The following SHISA9 variants were observed in gnomAD, a reference collection of about 807,000 sequenced individuals.
SHISA9 encodes shisa family member 9, also known as protein shisa-9.
In SHISA9, 13 loss-of-function variants were observed where a neutral mutation model predicts 38.0. That is an observed-to-expected ratio of 0.34 (90% CI 0.22 to 0.54). The LOEUF is 0.54. Among genes scored for constraint, SHISA9 ranks in the 20% least tolerant of loss-of-function variants. The probability of loss-of-function intolerance (pLI) is 0.91; values close to 1 mark genes in which losing one functional copy is unlikely to be tolerated. For synonymous variants in SHISA9, 275 were observed against 242.0 expected (o/e 1.14, Z -1.27); for missense variants, 538 against 575.8 (o/e 0.93, Z 0.67).
At chr16:13,384,060 G>T in the SHISA9 span, among the ~76,000 whole-genome samples, 2 of 152,158 alleles carry the variant, frequency 1.3e-5, no homozygotes, top group Non-Finnish European at 2.9e-5. Context: ...AATGGTTAAC[G>T]TTAGGAGAGA....
chr16:12,970,966 A>C (rs1261308190), intron 2 of SHISA9, among the ~76,000 whole-genome samples: 1 of 152,176 alleles, frequency 6.6e-6, no homozygotes. Context: ...GTATTTGTTG[A>C]ATGAATGAAT....
chr16:13,529,235 G>C, the SHISA9 span, among the ~76,000 whole-genome samples: 1 of 152,196 alleles, frequency 6.6e-6, no homozygotes, highest in Admixed American at 6.5e-5. Context: ...ATCCATGCCA[G>C]GCAAAAGTTA....
the SHISA9 span, among the ~76,000 whole-genome samples, chr16:13,310,812 C>A: frequency 1.3e-5 from 2 of 151,498 alleles, no homozygotes; most frequent in Admixed American, 1.3e-4. Flanking sequence ...GCCTCTCAAG[C>A]AGCTGGGACT....
At chr16:13,464,927 C>G in the SHISA9 span, among the ~76,000 whole-genome samples, 2 of 151,874 alleles carry the variant, frequency 1.3e-5, no homozygotes, top group African/African-American at 4.8e-5. Flanking sequence ...AGATAGACAG[C>G]TTTTTCTAAT....
chr16:13,048,575 C>G (rs1287373017), intron 2 of SHISA9, among the ~76,000 whole-genome samples: 1 of 152,170 alleles, frequency 6.6e-6, no homozygotes, highest in Non-Finnish European at 1.5e-5. Flanking sequence ...GTGTGTACCA[C>G]CACACCTGGC....
chr16:13,399,437 G>A, the SHISA9 span, among the ~76,000 whole-genome samples: 7 of 152,042 alleles, frequency 4.6e-5, no homozygotes, highest in African/African-American at 1.7e-4. Flanking sequence ...GTGGTTCTTT[G>A]TTCTACCACA....
chr16:13,288,914 A>G, the SHISA9 span, among the ~76,000 whole-genome samples: 1 of 152,166 alleles, frequency 6.6e-6, no homozygotes, highest in Non-Finnish European at 1.5e-5. Flanking sequence ...CCCCATCTCC[A>G]ATATAGTTAC....
chr16:13,015,853 C>CTTTCTTTGTTT (rs2072737683), intron 2 of SHISA9, among the ~76,000 whole-genome samples: 1 of 98,556 alleles, frequency 1.0e-5, no homozygotes, highest in Non-Finnish European at 2.1e-5. Flanking sequence ...TCTTTCTTTC[C>CTTTCTTTGTTT]CTTTCTTTCT....
At chr16:13,192,749 C>T (rs2050898056) in intron 2 of SHISA9, among the ~76,000 whole-genome samples, 1 of 152,072 alleles carries the variant, frequency 6.6e-6, no homozygotes, top group South Asian at 2.1e-4. Flanking sequence ...GTGGCACGCA[C>T]CTGTGGTCCC....
chr16:13,536,191 G>A, the SHISA9 span, among the ~76,000 whole-genome samples: 7 of 152,028 alleles, frequency 4.6e-5, no homozygotes, highest in East Asian at 1.3e-3. Flanking sequence ...TAGAGATGGG[G>A]TTTCACTATG....
the SHISA9 span, among the ~76,000 whole-genome samples, chr16:13,259,646 G>C: frequency 6.6e-6 from 1 of 152,166 alleles, no homozygotes; most frequent in Non-Finnish European, 1.5e-5. Flanking sequence ...TTTGACTTCT[G>C]TGTATCCACA....
the SHISA9 span, among the ~76,000 whole-genome samples, chr16:13,362,393 A>C: frequency 7.9e-5 from 12 of 152,138 alleles, no homozygotes; most frequent in African/African-American, 2.4e-4. Context: ...GTGCCACTGC[A>C]CTCCAGCCTG....
chr16:12,988,359 C>A (rs1474533524), intron 2 of SHISA9, among the ~76,000 whole-genome samples: 1 of 152,178 alleles, frequency 6.6e-6, no homozygotes, highest in African/African-American at 2.4e-5. Context: ...TTGGATTTTT[C>A]ATCTCTGTCT....
At chr16:13,552,085 G>GT in the SHISA9 span, among the ~76,000 whole-genome samples, 46 of 152,266 alleles carry the variant, frequency 3.0e-4, no homozygotes, top group African/African-American at 1.1e-3. Context: ...TCAGCTTTGT[G>GT]TTTTTTCTGC....
At chr16:13,245,841 C>T in the SHISA9 span, among the ~76,000 whole-genome samples, 1 of 152,168 alleles carries the variant, frequency 6.6e-6, no homozygotes, top group African/African-American at 2.4e-5. Flanking sequence ...ATTTCTTCAC[C>T]CCTCCCAGAG....
At chr16:13,495,231 A>C in the SHISA9 span, among the ~76,000 whole-genome samples, 1 of 152,164 alleles carries the variant, frequency 6.6e-6, no homozygotes, top group South Asian at 2.1e-4. Flanking sequence ...GCATGTAAAA[A>C]TTGGTGAAAA....
chr16:13,467,454 G>A, the SHISA9 span, among the ~76,000 whole-genome samples: 2 of 152,190 alleles, frequency 1.3e-5, no homozygotes, highest in Non-Finnish European at 2.9e-5. Flanking sequence ...ACTGGGGACT[G>A]TACCATTGGC....
At chr16:13,540,675 C>A in the SHISA9 span, among the ~76,000 whole-genome samples, 3 of 152,118 alleles carry the variant, frequency 2.0e-5, no homozygotes, top group Non-Finnish European at 4.4e-5. Flanking sequence ...TTTGGGGAAC[C>A]CAAAGTAAGA....
intron 2 of SHISA9, among the ~76,000 whole-genome samples, chr16:13,002,108 C>T (rs1167596063): frequency 6.6e-6 from 1 of 152,160 alleles, no homozygotes; most frequent in African/African-American, 2.4e-5. Context: ...AAACACTGAC[C>T]TGACTTACAG....
Sources: allele counts gnomAD v4.1 joint callset (sites outside exome capture counted in the v4.1 genomes callset), GRCh38; gene constraint gnomAD v4.1.1; transcripts MANE v1.5; gene names NCBI Gene and HGNC (gene_info 2026-07-23, HGNC 2026-07-21).